Variants in GNA12 observed in about 807,000 individuals in gnomAD.
The protein encoded by GNA12 is guanine nucleotide-binding protein subunit alpha-12.
A neutral mutation model predicts 26.0 loss-of-function variants in GNA12; 9 were observed. The ratio of observed to expected loss-of-function variants is 0.35; its 90% CI spans 0.21 to 0.60. The LOEUF (loss-of-function observed/expected upper bound fraction) is 0.60. GNA12 is among the 20% of genes least tolerant of loss of function. The pLI is 0.78. For missense variants in GNA12, 405 were observed against 525.8 expected (o/e 0.77, Z 2.25); for synonymous variants, 264 against 219.6 (o/e 1.20, Z -1.79).
At chr7:2,734,018 C>G (rs1009286536) in intron 2 of GNA12, among the ~76,000 whole-genome samples, 1 of 152,252 alleles carries the variant, frequency 6.6e-6, no homozygotes, top group Non-Finnish European at 1.5e-5. Flanking sequence ...TTCCTTCCCA[C>G]ATTTTTATGA....
exon 1 of GNA12, chr7:2,844,294 TGCAGTCGCTCCGAGGCCC>T (rs1403831811): frequency 1.3e-5 from 4 of 297,744 alleles, no homozygotes; most frequent in African/African-American, 2.3e-5. Context: ...CCGCCGCCGC[TGCAGTCGCTCCGAGGCCC>T]GCACTCGTCG....
intron 1 of GNA12, among the ~76,000 whole-genome samples, chr7:2,800,783 T>C (rs1365435431): frequency 6.6e-6 from 1 of 152,142 alleles, no homozygotes; most frequent in Non-Finnish European, 1.5e-5. Context: ...GGAATCTACC[T>C]AGAGGGAAAA....
intron 2 of GNA12, among the ~76,000 whole-genome samples, chr7:2,780,296 C>G (rs934507701): frequency 6.6e-6 from 1 of 151,518 alleles, no homozygotes; most frequent in Non-Finnish European, 1.5e-5. Flanking sequence ...AGGTTGTTTC[C>G]TTTTTGTTTT....
chr7:2,777,342 C>G (rs1792102671), intron 2 of GNA12, among the ~76,000 whole-genome samples: 1 of 152,210 alleles, frequency 6.6e-6, no homozygotes, highest in Non-Finnish European at 1.5e-5. Context: ...ATGATATTGT[C>G]TCTTAGTTCA....
intron 1 of GNA12, among the ~76,000 whole-genome samples, chr7:2,804,079 G>A (rs553663646): frequency 2.0e-5 from 3 of 152,286 alleles, no homozygotes; most frequent in Non-Finnish European, 4.4e-5. Flanking sequence ...AAGGGGGAAC[G>A]AAATCGTCCT....
intron 1 of GNA12, among the ~76,000 whole-genome samples, chr7:2,832,170 G>T (rs1778692619): frequency 6.6e-6 from 1 of 152,286 alleles, no homozygotes; most frequent in African/African-American, 2.4e-5. Flanking sequence ...CAGTCGAAAG[G>T]CCTCTTCCAC....
At chr7:2,789,779 ATGTG>A (rs1290797946) in intron 2 of GNA12, among the ~76,000 whole-genome samples, 1 of 151,954 alleles carries the variant, frequency 6.6e-6, no homozygotes, top group Non-Finnish European at 1.5e-5. Context: ...CCTGGTGGTG[ATGTG>A]TGTGTGTGAG....
intron 2 of GNA12, among the ~76,000 whole-genome samples, chr7:2,793,677 G>T (rs1362607572): frequency 6.6e-6 from 1 of 152,082 alleles, no homozygotes; most frequent in Non-Finnish European, 1.5e-5. Flanking sequence ...GAGGCCAGGA[G>T]TTCGAGACCA....
chr7:2,817,233 T>G (rs143538268), intron 1 of GNA12, among the ~76,000 whole-genome samples: 1 of 152,214 alleles, frequency 6.6e-6, no homozygotes, highest in Non-Finnish European at 1.5e-5. Flanking sequence ...AGCCTCCTGA[T>G]AGCTGAAATT....
intron 2 of GNA12, among the ~76,000 whole-genome samples, chr7:2,774,356 G>C (rs1264323754): frequency 1.3e-5 from 2 of 152,162 alleles, no homozygotes; most frequent in South Asian, 4.1e-4. Flanking sequence ...GGTGGGTGCG[G>C]TTTTGACTTT....
chr7:2,777,310 G>A (rs373711211), intron 2 of GNA12, among the ~76,000 whole-genome samples: 29 of 152,202 alleles, frequency 1.9e-4, no homozygotes, highest in East Asian at 1.9e-4. Context: ...TTAATACCTC[G>A]AAAGCAGCTT....
chr7:2,822,801 G>A (rs1337421687), intron 1 of GNA12, among the ~76,000 whole-genome samples: 1 of 152,200 alleles, frequency 6.6e-6, no homozygotes, highest in Non-Finnish European at 1.5e-5. Flanking sequence ...GACAGAGTAA[G>A]ACTCCGTTTC....
intron 2 of GNA12, among the ~76,000 whole-genome samples, chr7:2,776,642 A>C (rs1014205670): frequency 6.6e-6 from 1 of 152,228 alleles, no homozygotes; most frequent in African/African-American, 2.4e-5. Context: ...GCAGGCTGGC[A>C]TAAGGATTAC....
chr7:2,740,797 C>A (rs967202302), intron 2 of GNA12, among the ~76,000 whole-genome samples: 5 of 152,318 alleles, frequency 3.3e-5, no homozygotes, highest in African/African-American at 1.2e-4. Flanking sequence ...ATAATCCCAG[C>A]ACTTTGGGAG....
At chr7:2,816,093 G>C (rs935919698) in intron 1 of GNA12, among the ~76,000 whole-genome samples, 1 of 152,212 alleles carries the variant, frequency 6.6e-6, no homozygotes, top group African/African-American at 2.4e-5. Context: ...CAGCACTGTT[G>C]GTCGCAGGGA....
chr7:2,742,691 A>G (rs1790570232), intron 2 of GNA12, among the ~76,000 whole-genome samples: 1 of 152,220 alleles, frequency 6.6e-6, no homozygotes, highest in South Asian at 2.1e-4. Context: ...ATTTTGAATG[A>G]GGCCTTTAAT....
chr7:2,745,416 A>G (rs1244228238), intron 2 of GNA12, among the ~76,000 whole-genome samples: 1 of 152,224 alleles, frequency 6.6e-6, no homozygotes, highest in Non-Finnish European at 1.5e-5. Context: ...ATCCAGCCAA[A>G]CTAAGCTTCA....
Position 2,744,061 on chromosome 7 carries a change from C to G in GNA12, c.526-10560G>C, listed in dbSNP as rs1280834930. Among the ~76,000 whole-genome samples the G allele has an allele frequency of 2.0e-5, 3 of 152,238 alleles. No homozygotes were observed. The East Asian group carries it at 5.8e-4, about 29-fold the overall frequency. ...TGGAGCCCACCACAGCTCAAGGAGGCCTGCCTGCCTCTGTAGGTTCCCCCT... is the reference window on the plus strand; with the variant it reads ...TGGAGCCCACCACAGCTCAAGGAGGGCTGCCTGCCTCTGTAGGTTCCCCCT... On this transcript the variant is annotated intron_variant, in intron 2 of 3. Transcript: ENST00000275364.
In GNA12 at chr7:2,844,257, C is replaced by CCCGCCGCTCGCCTCAGGCCGCGT. The variant is rs1284389952; in HGVS notation, c.-119_-97dup. On this transcript the variant is annotated 5_prime_UTR_variant, in exon 1 of 4. Transcript: ENST00000275364. ...CCCGGGCCGAGGCACCGCCCCACGC[C>CCCGCCGCTCGCCTCAGGCCGCGT]CCGCCGCTCGCCTCAGGCCGCGTCC... 9.0e-6 allele frequency: 5 copies of CCCGCCGCTCGCCTCAGGCCGCGT among 558,196 alleles called. No individual in the cohort carries two copies. The highest frequency in any genetic ancestry group is 6.5e-5 in the Admixed American group (1 of 15,300). The allele number at this position is 558,196 out of a possible 1,614,324, so 34.6% of individuals were successfully genotyped here.
Sources: gnomAD v4.1 joint callset for allele counts (sites outside exome capture counted in the v4.1 genomes callset) on GRCh38, gnomAD v4.1.1 for gene constraint, MANE v1.5 for transcripts, NCBI Gene and HGNC (gene_info 2026-07-23, HGNC 2026-07-21) for gene names.